FILIP1L: variants seen among roughly 807,000 people sequenced by gnomAD.
FILIP1L encodes filamin A interacting protein 1 like.
A neutral mutation model predicts 96.6 loss-of-function variants in FILIP1L; 55 were observed. The observed-to-expected ratio is 0.57, with a 90% confidence interval of 0.46 to 0.71. FILIP1L has a LOEUF of 0.71. Among genes scored for constraint, FILIP1L ranks in the 30% least tolerant of loss-of-function variants. The pLI is 0.00. For missense variants in FILIP1L, 1,304 were observed against 1,321.2 expected, an observed-to-expected ratio of 0.99 and a Z score of 0.20; for synonymous variants, 467 against 473.9, an observed-to-expected ratio of 0.99 and a Z score of 0.19.
At chr3:100,035,504 C>T (rs1300616690) in intron 1 of FILIP1L, among the ~76,000 whole-genome samples, 1 of 152,140 alleles carries the variant, frequency 6.6e-6, no homozygotes, top group Non-Finnish European at 1.5e-5. Context: ...AACTCCTGAT[C>T]CACCCGCCTC....
At chr3:99,970,571 C>A (rs1366083219) in intron 1 of FILIP1L, among the ~76,000 whole-genome samples, 3 of 152,230 alleles carry the variant, frequency 2.0e-5, no homozygotes, top group Non-Finnish European at 2.9e-5. Context: ...CATATCCCTG[C>A]TTTCCTTGTA....
chr3:100,068,352 G>C (rs1189732167), intron 1 of FILIP1L, among the ~76,000 whole-genome samples: 1 of 9,174 alleles, frequency 1.1e-4, no homozygotes, highest in African/African-American at 2.2e-4. Context: ...AAGAGCCTCT[G>C]TGTGTGTGTG....
intron 1 of FILIP1L, among the ~76,000 whole-genome samples, chr3:100,084,003 T>C (rs1489395843): frequency 3.3e-5 from 5 of 152,238 alleles, no homozygotes; most frequent in East Asian, 1.9e-4. Flanking sequence ...TTCTCCGTTA[T>C]AGTTAATTTG....
intron 5 of FILIP1L, among the ~76,000 whole-genome samples, chr3:99,840,382 C>T (rs1179075802): frequency 1.3e-5 from 2 of 151,894 alleles, no homozygotes; most frequent in African/African-American, 4.8e-5. Context: ...CACCACCATG[C>T]CCGGCTAATT....
At chr3:100,010,777 G>C (rs1228670821) in intron 1 of FILIP1L, among the ~76,000 whole-genome samples, 1 of 73,348 alleles carries the variant, frequency 1.4e-5, no homozygotes, top group Non-Finnish European at 2.6e-5. Flanking sequence ...TCCACGCCCG[G>C]ATTTTTTTTT....
In FILIP1L at chr3:100,073,758, C is replaced by T. The variant is rs542175549; in HGVS notation, c.-11+40295G>A. On this transcript the variant is annotated intron_variant, in intron 1 of 5. Transcript: ENST00000477258. ...TTCAAATGCAGAGTAGGGTGTGTGC[C>T]GGGCAAGATCTCCTGTTTGATTCCT... Among the ~76,000 whole-genome samples the T allele has an allele frequency of 2.6e-5, 4 of 152,236 alleles. No individual in the cohort carries two copies. The South Asian group carries it at 6.2e-4, about 24-fold the overall frequency.
chr3:99,845,432 A>G (rs1280840936), intron 5 of FILIP1L, among the ~76,000 whole-genome samples: 2 of 152,188 alleles, frequency 1.3e-5, no homozygotes, highest in East Asian at 1.9e-4. Flanking sequence ...AGAGAGACGA[A>G]AAAACAGTCT....
intron 4 of FILIP1L, among the ~76,000 whole-genome samples, chr3:99,862,909 C>A (rs1251882722): frequency 6.6e-6 from 1 of 152,192 alleles, no homozygotes; most frequent in South Asian, 2.1e-4. Context: ...GAAATGCCAG[C>A]ATATCAAAAT....
intron 1 of FILIP1L, among the ~76,000 whole-genome samples, chr3:99,993,410 A>G (rs769529222): frequency 2.8e-4 from 43 of 152,088 alleles, no homozygotes; most frequent in Non-Finnish European, 3.2e-4. Flanking sequence ...ATATAAGATC[A>G]TATCAGCAGC....
At chr3:99,984,110 C>T (rs1709260762) in intron 1 of FILIP1L, among the ~76,000 whole-genome samples, 1 of 125,392 alleles carries the variant, frequency 8.0e-6, no homozygotes, top group South Asian at 2.6e-4. Context: ...ATCAGGTGCT[C>T]AGGTATGAAA....
At chr3:100,082,550 G>C (rs1473346928) in intron 1 of FILIP1L, among the ~76,000 whole-genome samples, 1 of 152,212 alleles carries the variant, frequency 6.6e-6, no homozygotes, top group Non-Finnish European at 1.5e-5. Context: ...AGTGAGGAAT[G>C]AGCCAGCTTT....
At position 99,828,823 on chromosome 3, in the gene FILIP1L, C is replaced by G. The variant is rs772274242; in HGVS notation, c.*1591G>C. Among the ~76,000 whole-genome samples, 2 of 152,060 alleles carry G rather than the reference C, an allele frequency of 1.3e-5. No homozygotes were observed. Among genetic ancestry groups the G allele is most frequent in the African/African-American group, 2.4e-5 (1 of 41,388 alleles). On this transcript the variant is annotated 3_prime_UTR_variant, in exon 6 of 6. Transcript: ENST00000477258. ...CTGCTTTCCTTTCACTTCGACTTTT[C>G]CATTTCAGGCTTTTAATTCACTTGA...
chr3:99,992,745 A>G (rs1709561318), intron 1 of FILIP1L, among the ~76,000 whole-genome samples: 2 of 151,954 alleles, frequency 1.3e-5, no homozygotes, highest in Admixed American at 6.6e-5. Context: ...TGCCTAGGCC[A>G]ATGTCTACAG....
At chr3:99,904,134 A>G (rs573895097) in intron 4 of FILIP1L, among the ~76,000 whole-genome samples, 71 of 152,338 alleles carry the variant, frequency 4.7e-4, no homozygotes, top group Non-Finnish European at 9.7e-4. Flanking sequence ...ATTTCTGGCA[A>G]TAGTGAGTGT....
At chr3:99,958,366 G>A (rs1285955158) in intron 1 of FILIP1L, among the ~76,000 whole-genome samples, 2 of 151,988 alleles carry the variant, frequency 1.3e-5, no homozygotes, top group African/African-American at 4.8e-5. Context: ...GCCATGAAGA[G>A]AGAGAACTAG....
intron 1 of FILIP1L, among the ~76,000 whole-genome samples, chr3:100,042,653 G>T (rs2065223978): frequency 6.6e-6 from 1 of 152,208 alleles, no homozygotes; most frequent in Non-Finnish European, 1.5e-5. Context: ...ATTTACTGAA[G>T]AATTTTATTG....
In FILIP1L at chr3:99,848,483, G is replaced by A; in HGVS notation, c.3193C>T (p.His1065Tyr). ...GCTTGCATGTAAGGACTTCCTAAGT[G>A]AATGTGGATTTTATTATCCTCAGTA... The part of the protein sequence containing the change: ...ITTEDNKIHI[H>Y]LGSPYMQAVA... Residue 1065 changes from histidine to tyrosine, a missense_variant, in exon 5 of 6, where the codon CAC becomes TAC. His to Tyr is a moderately conservative substitution (Grantham distance 83). Transcript: ENST00000477258. 6.2e-7 allele frequency: 1 copy of A among 1,614,168 alleles called. No homozygotes were observed. The highest frequency in any genetic ancestry group is 8.5e-7 in the Non-Finnish European group (1 of 1,180,010).
intron 4 of FILIP1L, among the ~76,000 whole-genome samples, chr3:99,923,512 C>T (rs1367624417): frequency 6.6e-6 from 1 of 152,136 alleles, no homozygotes; most frequent in Non-Finnish European, 1.5e-5. Context: ...GCTCTTCTTT[C>T]CAGTCTAACC....
chr3:99,939,670 A>C (rs556632559), intron 1 of FILIP1L, among the ~76,000 whole-genome samples: 1 of 152,192 alleles, frequency 6.6e-6, no homozygotes, highest in Non-Finnish European at 1.5e-5. Context: ...GGATCCAAAA[A>C]TTTGATAGTA....
Sources: gnomAD v4.1 joint callset for allele counts (sites outside exome capture counted in the v4.1 genomes callset) on GRCh38, gnomAD v4.1.1 for gene constraint, MANE v1.5 for transcripts, NCBI Gene and HGNC (gene_info 2026-07-23, HGNC 2026-07-21) for gene names.